The following CENPP variants were observed in gnomAD, a reference collection of about 807,000 sequenced individuals.
The protein encoded by CENPP is centromere protein P.
CENPP carries 24 observed loss-of-function variants against 35.6 expected under a neutral mutation model. That is an observed-to-expected ratio of 0.67 (90% CI 0.49 to 0.95). The LOEUF (loss-of-function observed/expected upper bound fraction) is 0.95. Ranked by LOEUF, CENPP falls within the 40% of genes least tolerant of loss-of-function variation. The pLI, the probability that CENPP is intolerant of heterozygous loss-of-function variation, is 0.00. For synonymous variants in CENPP, 120 were observed against 125.5 expected (o/e 0.96, Z 0.29); for missense variants, 332 against 345.3 (o/e 0.96, Z 0.31).
intron 4 of CENPP, among the ~76,000 whole-genome samples, chr9:92,351,465 G>A (rs543046432): frequency 5.1e-4 from 65 of 128,164 alleles, no homozygotes; most frequent in South Asian, 8.9e-4. Flanking sequence ...GTGACAGAGT[G>A]AGACTATCTC....
intron 5 of CENPP, among the ~76,000 whole-genome samples, chr9:92,450,750 AG>A (rs1295857270): frequency 6.6e-6 from 1 of 152,008 alleles, no homozygotes; most frequent in Non-Finnish European, 1.5e-5. Context: ...CATCCTCTCC[AG>A]CACCTGTTGT....
intron 5 of CENPP, among the ~76,000 whole-genome samples, chr9:92,602,972 G>A (rs1250270290): frequency 6.6e-6 from 1 of 152,006 alleles, no homozygotes; most frequent in African/African-American, 2.4e-5. Context: ...TGTATTTTTA[G>A]TAGAGAAGGG....
chr9:92,562,544 T>C (rs1393551503), intron 5 of CENPP, among the ~76,000 whole-genome samples: 1 of 152,088 alleles, frequency 6.6e-6, no homozygotes, highest in African/African-American at 2.4e-5. Context: ...ATTAGAGATT[T>C]CATAGGTTGT....
chr9:92,568,074 C>CT (rs1006092632), intron 5 of CENPP, among the ~76,000 whole-genome samples: 49 of 140,546 alleles, frequency 3.5e-4, no homozygotes, highest in African/African-American at 1.0e-3. Flanking sequence ...TATTTTTCTT[C>CT]TTTTTTTTAT....
At chr9:92,331,469 G>A (rs78262118) in intron 1 of CENPP, among the ~76,000 whole-genome samples, 5 of 152,130 alleles carry the variant, frequency 3.3e-5, no homozygotes, top group Non-Finnish European at 7.4e-5. Flanking sequence ...CGTGAGCCAC[G>A]GCGCCTGGCC....
intron 5 of CENPP, among the ~76,000 whole-genome samples, chr9:92,606,223 C>G (rs964602545): frequency 2.6e-5 from 4 of 152,100 alleles, no homozygotes; most frequent in African/African-American, 9.7e-5. Flanking sequence ...GAATGCACCA[C>G]CACACTCCAG....
Position 92,551,938 on chromosome 9 carries a change from T to TG in CENPP, c.565-59376_565-59375insG, listed in dbSNP as rs1357640105. On this transcript the variant is annotated intron_variant, in intron 5 of 7. Transcript: ENST00000375587. ...TATGGTGTGTGTGTATATATATATA[T>TG]ATATATATATATATGATATATATAT... Among the ~76,000 whole-genome samples, 33 of 86,628 alleles carry TG rather than the reference T, an allele frequency of 3.8e-4. 2 individuals are homozygous for TG. Among genetic ancestry groups the TG allele is most frequent in the African/African-American group, 2.5e-3 (29 of 11,588 alleles). 56.8% of individuals were successfully genotyped at this position (86,628 alleles called of 152,430 possible).
At chr9:92,493,128 G>C (rs1212280990) in intron 5 of CENPP, among the ~76,000 whole-genome samples, 1 of 152,214 alleles carries the variant, frequency 6.6e-6, no homozygotes, top group Non-Finnish European at 1.5e-5. Context: ...AACCTAGTGT[G>C]TCATTTAGAT....
In CENPP at chr9:92,593,691, G is replaced by A. The variant is rs1465658039; in HGVS notation, c.565-17623G>A. ...TGAAAGCGAACAGTGATTAGAGTTT[G>A]GCAGAGCTGGTTTATGTGGTCTGTG... On this transcript the variant is annotated intron_variant, in intron 5 of 7. Transcript: ENST00000375587. This position sits in a 1 kb window ranked among gnomAD's most constrained non-coding sequence, Gnocchi z 4.1. 2.0e-5 allele frequency among the ~76,000 whole-genome samples: 3 copies of A among 152,176 alleles called. No individual in the cohort carries two copies. Among genetic ancestry groups the A allele is most frequent in the Non-Finnish European group, 4.4e-5 (3 of 68,034 alleles).
chr9:92,390,013 A>G, intron 5 of CENPP: 1 of 1,607,766 alleles, frequency 6.2e-7, no homozygotes, highest in Non-Finnish European at 8.5e-7. Flanking sequence ...CATCTTCTAT[A>G]TCTTCTATCA....
At chr9:92,443,128 A>C (rs1452779295) in intron 5 of CENPP, among the ~76,000 whole-genome samples, 1 of 152,216 alleles carries the variant, frequency 6.6e-6, no homozygotes, top group Non-Finnish European at 1.5e-5. Flanking sequence ...AACTAACTTT[A>C]ATTACAGTAG....
chr9:92,457,333 A>T, intron 5 of CENPP: 1 of 1,614,056 alleles, frequency 6.2e-7, no homozygotes, highest in Non-Finnish European at 8.5e-7. Flanking sequence ...TGCTCAAAAC[A>T]CAACGAAATG....
At chr9:92,526,334 T>TCAA (rs1172898188) in intron 5 of CENPP, among the ~76,000 whole-genome samples, 3 of 152,226 alleles carry the variant, frequency 2.0e-5, no homozygotes, top group Non-Finnish European at 4.4e-5. Flanking sequence ...GTATTTGTGT[T>TCAA]TTAAGCCAAG....
At chr9:92,604,663 C>G (rs770393355) in intron 5 of CENPP, among the ~76,000 whole-genome samples, 2 of 152,146 alleles carry the variant, frequency 1.3e-5, no homozygotes, top group Non-Finnish European at 2.9e-5. Flanking sequence ...AGCGTGATCT[C>G]AGCTCGCTGC....
Position 92,619,233 on chromosome 9 carries a change from TAGAAAAC to T in CENPP, c.*6087_*6093del. The T allele has an allele frequency of 2.2e-6, 1 of 454,560 alleles. No individual in the cohort carries two copies. The highest frequency in any genetic ancestry group is 4.0e-6 in the Non-Finnish European group (1 of 248,802). The allele number at this position is 454,560 out of a possible 1,614,324, so 28.2% of individuals were successfully genotyped here. On this transcript the variant is annotated 3_prime_UTR_variant, in exon 8 of 8. Transcript: ENST00000375587. ...TTCTGAGCTCTTGGGAGTATTTTCT[TAGAAAAC>T]AGTAACTTTCAATGTACTAACAATC... is the stretch of plus-strand genomic sequence containing the variant.
At chr9:92,392,394 C>A (rs879516869) in intron 5 of CENPP, among the ~76,000 whole-genome samples, 74 of 152,110 alleles carry the variant, frequency 4.9e-4, no homozygotes, top group Middle Eastern at 3.4e-3. Context: ...GAGGCCGAGG[C>A]GGGCGGATCA....
intron 5 of CENPP, chr9:92,416,655 A>C: frequency 6.2e-7 from 1 of 1,601,826 alleles, no homozygotes; most frequent in South Asian, 1.1e-5. Flanking sequence ...AGGTGTTCCA[A>C]ATTTCTTGGA....
chr9:92,514,542 T>G, intron 5 of CENPP: 60 of 1,470,732 alleles, frequency 4.1e-5, no homozygotes, highest in Non-Finnish European at 4.8e-5. Context: ...TTCAAAGTGC[T>G]GAGATTATAG....
Position 92,396,755 on chromosome 9 carries a change from G to T in CENPP, c.564+16896G>T, listed in dbSNP as rs185520130. 3.6e-3 allele frequency among the ~76,000 whole-genome samples: 548 copies of T among 151,920 alleles called. 4 individuals carry two copies. Among genetic ancestry groups the T allele is most frequent in the African/African-American group, 0.012 (515 of 41,458 alleles). ...TTTTCTTGGTTAAATTTTTTGTAGA[G>T]ACATGGTGTCACTATGTTGCCCAAG... On this transcript the variant is annotated intron_variant, in intron 5 of 7. Coordinates refer to ENST00000375587, the MANE Select transcript of CENPP (RefSeq NM_001012267.3).
Sources: gnomAD v4.1 joint callset for allele counts (sites outside exome capture counted in the v4.1 genomes callset) on GRCh38, gnomAD v4.1.1 for gene constraint, Gnocchi (gnomAD v3.1) non-coding constraint, MANE v1.5 for transcripts, NCBI Gene and HGNC (gene_info 2026-07-23, HGNC 2026-07-21) for gene names.